The following MAF variants were observed in gnomAD, a reference collection of about 807,000 sequenced individuals.
MAF encodes the protein transcription factor Maf.
Under a neutral mutation model 22.0 loss-of-function variants are expected in MAF, and 10 were observed. The observed-to-expected ratio is 0.45, with a 90% CI of 0.28 to 0.77. MAF has a LOEUF of 0.77. MAF is among the 30% of genes least tolerant of loss of function. The pLI is 0.12. For missense variants in MAF, 544 were observed against 548.4 expected, an observed-to-expected ratio of 0.99 and a Z score of 0.08; for synonymous variants, 337 against 255.8, an observed-to-expected ratio of 1.32 and a Z score of -3.03.
chr16:79,255,476 C>T, the MAF span, among the ~76,000 whole-genome samples: 3 of 152,224 alleles, frequency 2.0e-5, no homozygotes, highest in African/African-American at 7.2e-5. Flanking sequence ...CTAGAAAATC[C>T]ATTCGAAACT....
the MAF span, among the ~76,000 whole-genome samples, chr16:79,516,615 C>A: frequency 0.012 from 1,758 of 152,262 alleles, 35 homozygotes; most frequent in African/African-American, 0.04. Flanking sequence ...ACTGCTAATC[C>A]CTTCCTGTGG....
chr16:79,599,213 G>T lies in MAF; in HGVS notation c.690C>A (p.Gly230=), dbSNP rs1164444413. The change falls in exon 1 of 2, where the codon GGC becomes GGA. Residue 230 remains glycine, a synonymous_variant. Transcript: ENST00000326043. ...CGCCCCCGCCGCCTCCGCCGCCGCC[G>T]CCGCCGCCGCCGCCCCCAGCGCTGG... ...GPASAGGGGG[G]GGGGGGGGAA... is the part of the protein sequence containing the mutation. 2 of 977,302 alleles carry T rather than the reference G, an allele frequency of 2.0e-6. No individual in the cohort carries two copies. The highest frequency in any genetic ancestry group is 2.4e-6 in the Non-Finnish European group (2 of 826,194). 60.5% of individuals were successfully genotyped at this position (977,302 alleles called of 1,614,324 possible). A position where few individuals can be genotyped will look rare whatever the true frequency, so the allele number is the denominator to read the frequency against.
the MAF span, among the ~76,000 whole-genome samples, chr16:79,292,171 A>G: frequency 3.9e-5 from 6 of 152,158 alleles, no homozygotes; most frequent in Non-Finnish European, 8.8e-5. Context: ...AGTCATAACC[A>G]TTGGTAGCTG....
the MAF span, among the ~76,000 whole-genome samples, chr16:79,461,931 G>T: frequency 1.3e-5 from 2 of 152,142 alleles, no homozygotes; most frequent in South Asian, 2.1e-4. Context: ...CTAATAGGAG[G>T]TTGGAGGACA....
At chr16:79,578,905 A>G in the MAF span, among the ~76,000 whole-genome samples, 2 of 152,290 alleles carry the variant, frequency 1.3e-5, no homozygotes, top group African/African-American at 4.8e-5. Flanking sequence ...AAGCATAAAA[A>G]TACAGCAGAG....
the MAF span, among the ~76,000 whole-genome samples, chr16:79,468,954 C>T: frequency 6.6e-6 from 1 of 152,076 alleles, no homozygotes; most frequent in Non-Finnish European, 1.5e-5. Flanking sequence ...TTTTTAATAG[C>T]CATCTTCCAT....
At chr16:79,467,815 G>A in the MAF span, among the ~76,000 whole-genome samples, 49 of 152,046 alleles carry the variant, frequency 3.2e-4, no homozygotes, top group South Asian at 9.1e-3. Context: ...CACATACTAG[G>A]CACTTAATAA....
chr16:79,290,185 A>G, the MAF span, among the ~76,000 whole-genome samples: 1 of 152,238 alleles, frequency 6.6e-6, no homozygotes, highest in East Asian at 1.9e-4. Flanking sequence ...CCCAAGTCCA[A>G]AACCCCATGG....
chr16:79,238,245 G>A, the MAF span, among the ~76,000 whole-genome samples: 10,981 of 152,042 alleles, frequency 0.072, 580 homozygotes, highest in Middle Eastern at 0.15. Flanking sequence ...ATAACTGAAT[G>A]CCAGCTTTTC....
the MAF span, among the ~76,000 whole-genome samples, chr16:79,367,347 C>T: frequency 2.6e-5 from 4 of 152,114 alleles, no homozygotes; most frequent in Non-Finnish European, 5.9e-5. Context: ...GGGAAGGGGC[C>T]TACCTTCTTT....
chr16:79,247,027 G>C, the MAF span, among the ~76,000 whole-genome samples: 9 of 152,236 alleles, frequency 5.9e-5, no homozygotes, highest in African/African-American at 1.7e-4. Flanking sequence ...CTAGTGGTAA[G>C]TGCTATGAGG....
rs30412 is a variant in MAF at position 79,594,275 on chromosome 16, C to A, written c.*185G>T. The A allele has an allele frequency of 1.1e-5, 7 of 614,776 alleles. No individual in the cohort carries two copies. The highest frequency in any genetic ancestry group is 5.2e-5 in the Admixed American group (2 of 38,202). 38.1% of individuals were successfully genotyped at this position (614,776 alleles called of 1,614,324 possible). A position where few individuals can be genotyped will look rare whatever the true frequency, so the allele number is the denominator to read the frequency against. ...GAAAAGCAGGAGTGCGCTTTCCTAC[C>A]GGTCTCTATGAAACCCCCAGACAAG... On this transcript the variant is annotated 3_prime_UTR_variant, in exon 2 of 2. Coordinates refer to ENST00000326043, the MANE Select transcript of MAF (RefSeq NM_005360.5).
chr16:79,579,211 G>A, the MAF span, among the ~76,000 whole-genome samples: 1 of 152,138 alleles, frequency 6.6e-6, no homozygotes, highest in African/African-American at 2.4e-5. Context: ...AAAAGTAAGG[G>A]AATGTGAATT....
the MAF span, among the ~76,000 whole-genome samples, chr16:79,422,890 G>A: frequency 6.6e-6 from 1 of 152,142 alleles, no homozygotes; most frequent in Non-Finnish European, 1.5e-5. Context: ...GTCATGGAGA[G>A]ACAGATACTA....
the MAF span, among the ~76,000 whole-genome samples, chr16:79,441,822 G>A: frequency 6.6e-6 from 1 of 152,204 alleles, no homozygotes; most frequent in African/African-American, 2.4e-5. Flanking sequence ...TGTGTAAATA[G>A]AGCCTTCACA....
the MAF span, among the ~76,000 whole-genome samples, chr16:79,451,682 T>C: frequency 3.3e-5 from 5 of 152,048 alleles, no homozygotes; most frequent in Non-Finnish European, 5.9e-5. Flanking sequence ...TTTATTACAA[T>C]AGTAAAATAT....
chr16:79,511,444 A>G, the MAF span, among the ~76,000 whole-genome samples: 9 of 152,234 alleles, frequency 5.9e-5, no homozygotes, highest in African/African-American at 2.2e-4. Flanking sequence ...TTTATTTCTG[A>G]AAAGGCCAGA....
the MAF span, among the ~76,000 whole-genome samples, chr16:79,216,400 T>C: frequency 2.1e-4 from 32 of 152,348 alleles, no homozygotes; most frequent in African/African-American, 7.5e-4. Context: ...CCCTAACTCA[T>C]GATGGTTTGA....
At chr16:79,272,056 C>T in the MAF span, among the ~76,000 whole-genome samples, 12 of 151,852 alleles carry the variant, frequency 7.9e-5, no homozygotes, top group Non-Finnish European at 1.8e-4. Flanking sequence ...GCGACAGGTA[C>T]GTGTGAGCCA....
Sources: allele counts gnomAD v4.1 joint callset (sites outside exome capture counted in the v4.1 genomes callset), GRCh38; gene constraint gnomAD v4.1.1; transcripts MANE v1.5; gene names NCBI Gene and HGNC (gene_info 2026-07-23, HGNC 2026-07-21).